TECPR1: variants seen among roughly 807,000 people sequenced by gnomAD.
TECPR1 encodes tectonin beta-propeller repeat-containing protein 1.
TECPR1 carries 122 observed loss-of-function variants against 162.4 expected under a neutral mutation model. The observed-to-expected ratio is 0.75, with a 90% CI of 0.65 to 0.87. TECPR1 has a LOEUF of 0.87. Among genes scored for constraint, TECPR1 ranks in the 40% least tolerant of loss-of-function variants. The probability of loss-of-function intolerance (pLI) is 0.00; values close to 1 mark genes in which losing one functional copy is unlikely to be tolerated. For missense variants in TECPR1, 1,432 were observed against 1,618.2 expected (o/e 0.88, Z 1.97); for synonymous variants, 642 against 670.6 (o/e 0.96, Z 0.66).
Position 98,223,179 on chromosome 7 carries a change from T to C in TECPR1, c.2748-9A>G. The C allele has an allele frequency of 1.3e-6, 2 of 1,587,224 alleles. No individual in the cohort carries two copies. The highest frequency in any genetic ancestry group is 1.7e-6 in the Non-Finnish European group (2 of 1,166,990). ...TCACCAGCTTGCATTTTCTGTACAG[T>C]GGAGAGGGGACACAGCCCAGGGACC... is the stretch of plus-strand genomic sequence containing the variant. On this transcript the variant is annotated splice_polypyrimidine_tract_variant and intron_variant, in intron 20 of 25. Transcript: ENST00000447648.
chr7:98,224,710 G>T, intron 19 of TECPR1, 91 bp downstream of exon 19: 1 of 1,282,440 alleles, frequency 7.8e-7, no homozygotes, highest in Non-Finnish European at 1.1e-6. Flanking sequence ...GCAGGGTTCA[G>T]CCTGGAAGAG....
At chr7:98,226,634 G>A (rs1479994070) in intron 17 of TECPR1, 1 of 1,061,918 alleles carries the variant, frequency 9.4e-7, no homozygotes, top group Non-Finnish European at 1.2e-6. Flanking sequence ...ATTTGGAAAA[G>A]GCAGAAGTGG....
intron 23 of TECPR1, among the ~76,000 whole-genome samples, chr7:98,220,376 TTTTAC>T (rs1044358111): frequency 8.6e-5 from 13 of 152,024 alleles, no homozygotes; most frequent in African/African-American, 2.7e-4. Context: ...TAACGGTACA[TTTTAC>T]TTTATTTATT....
chr7:98,219,811 G>C (rs1051603201), intron 23 of TECPR1, among the ~76,000 whole-genome samples: 3 of 152,068 alleles, frequency 2.0e-5, no homozygotes, highest in African/African-American at 7.2e-5. Context: ...TGAGGTAGGA[G>C]AATCGCTTGA....
At chr7:98,228,557 G>T (rs1446924247) in intron 16 of TECPR1, 5 of 225,690 alleles carry the variant, frequency 2.2e-5, no homozygotes, top group Non-Finnish European at 4.5e-5. Context: ...AGGGAAGCTG[G>T]AAAGCCTGCT....
rs1562938971 is a variant in TECPR1, at chr7:98,233,521, C to T, written c.1572G>A (p.Glu524=). Residue 524 remains glutamate, a synonymous_variant, in exon 11 of 26, where the codon GAG becomes GAA. Transcript: ENST00000447648. ...SLGLLPLGLE[E]PYGVDDHPLW... ...GCGGGTGGTCATCCACCCCATACGG[C>T]TCCTCCAAGCCCAGTGGGAGGAGCC... 4.5e-6 allele frequency: 7 copies of T among 1,570,016 alleles called. No individual in the cohort carries two copies. The highest frequency in any genetic ancestry group is 5.2e-6 in the Non-Finnish European group (6 of 1,161,864).
intron 13 of TECPR1, 121 bp from the exon 14 acceptor site, chr7:98,231,494 C>G: frequency 9.7e-7 from 1 of 1,035,486 alleles, no homozygotes; most frequent in Non-Finnish European, 1.4e-6. Flanking sequence ...CCTGGCACCC[C>G]CAGCCCTGCC....
At position 98,252,155 on chromosome 7, in the gene TECPR1, C is replaced by A. The variant is rs1336786871; in HGVS notation, c.-204G>T. On this transcript the variant is annotated 5_prime_UTR_variant, in exon 1 of 26. Transcript: ENST00000447648. ...GCCCGCGCCGGGCGGGGCGAAGTCG[C>A]GGTGGTAGGTCCTCGGCGTCCGGGA... The A allele has an allele frequency of 6.6e-6, 1 of 152,580 alleles. No individual in the cohort carries two copies. The highest frequency in any genetic ancestry group is 1.9e-4 in the East Asian group (1 of 5,186). The allele number at this position is 152,580 out of a possible 1,614,324, so 9.5% of individuals were successfully genotyped here. A position where few individuals can be genotyped will look rare whatever the true frequency, so the allele number is the denominator to read the frequency against.
At position 98,231,195 on chromosome 7, in the gene TECPR1, C is replaced by G. The variant is rs7788259; in HGVS notation, c.2124+29G>C. On this transcript the variant is annotated intron_variant, in intron 14 of 25. Coordinates refer to ENST00000447648, the MANE Select transcript of TECPR1 (RefSeq NM_015395.3). The stretch of plus-strand genomic sequence containing the variant: ...CACCCCACCATGGCTATCCCTCCCC[C>G]CGGCCCGAGGGGACCACCGACCACT... The G allele has an allele frequency of 3.8e-3, 6,047 of 1,609,724 alleles. 124 individuals carry two copies. In the African/African-American group the frequency reaches 0.05, roughly 13 times the overall value.
At chr7:98,246,270 CTT>C (rs36097167) in intron 2 of TECPR1, 105 bp from the exon 3 acceptor site, 11,093 of 550,428 alleles carry the variant, frequency 0.02, no homozygotes, top group Middle Eastern at 0.028. Flanking sequence ...TTCTTTTTCT[CTT>C]TTTTTTTTTT....
At chr7:98,226,772 A>T (rs919846449) in intron 17 of TECPR1, 1 of 636,098 alleles carries the variant, frequency 1.6e-6, no homozygotes, top group South Asian at 1.5e-5. Context: ...TGTCTCTACT[A>T]AAAATACAAA....
intron 9 of TECPR1, 46 bp from the exon 10 acceptor site, chr7:98,236,967 G>C (rs1205687330): frequency 1.3e-6 from 2 of 1,482,408 alleles, no homozygotes; most frequent in Non-Finnish European, 1.8e-6. Context: ...CGCAGGCCCG[G>C]GGGCTCTTCT....
intron 16 of TECPR1, chr7:98,228,691 A>G (rs1049122216): frequency 1.7e-5 from 4 of 241,912 alleles, no homozygotes; most frequent in Non-Finnish European, 3.2e-5. Flanking sequence ...TTCGTTTTCC[A>G]GTAGGAACAG....
At chr7:98,229,578 A>G (rs1268304920) in intron 15 of TECPR1, among the ~76,000 whole-genome samples, 2 of 152,180 alleles carry the variant, frequency 1.3e-5, no homozygotes, top group Non-Finnish European at 2.9e-5. Context: ...GCCGGACATG[A>G]CATCTAATCC....
intron 7 of TECPR1, 35 bp from the exon 8 acceptor site, chr7:98,240,986 A>AT (rs1188119507): frequency 6.3e-7 from 1 of 1,590,058 alleles, no homozygotes; most frequent in Admixed American, 1.8e-5. Flanking sequence ...AGTGGCCCCC[A>AT]TCAGCCTGGA....
At chr7:98,234,318 C>G (rs943810307) in intron 10 of TECPR1, among the ~76,000 whole-genome samples, 3 of 152,166 alleles carry the variant, frequency 2.0e-5, no homozygotes, top group Non-Finnish European at 2.9e-5. Context: ...CCACGCCTGG[C>G]TAATTTTTGT....
At position 98,244,613 on chromosome 7, in the gene TECPR1, C is replaced by A. The variant is rs1798852089; in HGVS notation, c.489G>T (p.Trp163Cys). The A allele has an allele frequency of 6.2e-7, 1 of 1,612,968 alleles. No individual in the cohort carries two copies. Among genetic ancestry groups the A allele is most frequent in the African/African-American group, 1.3e-5 (1 of 74,920 alleles). Residue 163 changes from tryptophan to cysteine, a missense_variant, in exon 5 of 26, where the codon TGG (tryptophan) becomes TGT (cysteine). Physicochemically the swap from Trp to Cys is radical, Grantham distance 215. Transcript: ENST00000447648. ...GGGACTTGTATCTCCTGTACCGGAT[C>A]CACTTCCGGCGCCGCACACAAGAAT... is the stretch of plus-strand genomic sequence containing the variant. ...KWNSCVRRRK[W>C]IRYRRYKSRD... is the part of the protein sequence containing the mutation.
At chr7:98,225,123 A>T in intron 17 of TECPR1, 21 bp from the exon 18 acceptor site, 1 of 1,552,616 alleles carries the variant, frequency 6.4e-7, no homozygotes, top group Non-Finnish European at 8.7e-7. Flanking sequence ...ACAACAGGGC[A>T]GGTGACGAGG....
Position 98,230,990 on chromosome 7 carries a change from G to A in TECPR1, c.2253C>T (p.Ala751=), listed in dbSNP as rs764881601. The A allele has an allele frequency of 6.2e-7, 1 of 1,612,320 alleles. No individual in the cohort carries two copies. Among genetic ancestry groups the A allele is most frequent in the East Asian group, 2.2e-5 (1 of 44,830 alleles). The change falls in exon 15 of 26, where the codon GCC becomes GCT. Residue 751 remains alanine, a synonymous_variant. Coordinates refer to ENST00000447648, the MANE Select transcript of TECPR1 (RefSeq NM_015395.3). ...GGTCGCAGGGCAGGGGGTGCTCGTGGGCCTCCAGGTCTGGGCTGGGCTCGC... is the reference window on the plus strand; with the variant it reads ...GGTCGCAGGGCAGGGGGTGCTCGTGAGCCTCCAGGTCTGGGCTGGGCTCGC... ...FVSEPSPDLE[A]HEHPLPCDQM...
Sources: gnomAD v4.1 joint callset for allele counts (sites outside exome capture counted in the v4.1 genomes callset) on GRCh38, gnomAD v4.1.1 for gene constraint, MANE v1.5 for transcripts, NCBI Gene and HGNC (gene_info 2026-07-23, HGNC 2026-07-21) for gene names.